ANKS1A: variants seen among roughly 807,000 people sequenced by gnomAD.
ANKS1A encodes ankyrin repeat and SAM domain-containing protein 1A.
Under a neutral mutation model 120.3 loss-of-function variants are expected in ANKS1A, and 55 were observed. The observed-to-expected ratio is 0.46, with a 90% CI of 0.37 to 0.57. The LOEUF is 0.57. Among genes scored for constraint, ANKS1A ranks in the 20% least tolerant of loss-of-function variants. The pLI, the probability that ANKS1A is intolerant of heterozygous loss-of-function variation, is 0.00. For missense variants in ANKS1A, 1,123 were observed against 1,480.3 expected, an observed-to-expected ratio of 0.76 and a Z score of 3.96; for synonymous variants, 590 against 604.7, an observed-to-expected ratio of 0.98 and a Z score of 0.36.
At chr6:35,088,565 TG>T (rs763310106) in intron 23 of ANKS1A, 40 bp from the exon 24 acceptor site, 2 of 1,613,222 alleles carry the variant, frequency 1.2e-6, no homozygotes, top group South Asian at 2.2e-5. Flanking sequence ...CAGGCCCCAT[TG>T]GTTAACCCTT....
At chr6:35,025,287 A>ATGTG (rs369342625) in intron 11 of ANKS1A, among the ~76,000 whole-genome samples, 22 of 148,712 alleles carry the variant, frequency 1.5e-4, no homozygotes, top group Admixed American at 4.0e-4. Flanking sequence ...TATGTATGCG[A>ATGTG]TGTGTGTGTG....
intron 10 of ANKS1A, among the ~76,000 whole-genome samples, chr6:35,000,585 A>T (rs894104778): frequency 6.6e-6 from 1 of 152,154 alleles, no homozygotes; most frequent in African/African-American, 2.4e-5. Flanking sequence ...TTTAAAGAAA[A>T]AAATGTTTGT....
At chr6:35,094,975 A>C (rs1368675971), downstream of ANKS1A, among the ~76,000 whole-genome samples, 1 of 151,730 alleles carries the variant, frequency 6.6e-6, no homozygotes, top group Admixed American at 6.6e-5. Flanking sequence ...CCCTGTCTCT[A>C]CAGAAAAACT....
intron 13 of ANKS1A, among the ~76,000 whole-genome samples, chr6:35,076,219 C>T (rs909898644): frequency 2.0e-5 from 3 of 152,116 alleles, no homozygotes; most frequent in Non-Finnish European, 2.9e-5. Context: ...GTCAGGAGAT[C>T]GAGACCATCC....
chr6:35,071,350 G>T (rs1199714686), intron 13 of ANKS1A, among the ~76,000 whole-genome samples: 2 of 152,138 alleles, frequency 1.3e-5, no homozygotes, highest in African/African-American at 4.8e-5. Context: ...TATATTTGGG[G>T]GTAAAATACT....
At chr6:35,093,580 A>T (rs1219496555), downstream of ANKS1A, among the ~76,000 whole-genome samples, 1 of 152,234 alleles carries the variant, frequency 6.6e-6, no homozygotes, top group Non-Finnish European at 1.5e-5. Flanking sequence ...TAACATGTGC[A>T]CCACATGTAA....
chr6:34,941,971 A>C (rs1050290160), intron 1 of ANKS1A, among the ~76,000 whole-genome samples: 1 of 152,220 alleles, frequency 6.6e-6, no homozygotes, highest in Non-Finnish European at 1.5e-5. Context: ...AGGTGATGCT[A>C]TTAATTAGAG....
At chr6:35,039,107 G>T (rs999068589) in intron 11 of ANKS1A, among the ~76,000 whole-genome samples, 2 of 148,716 alleles carry the variant, frequency 1.3e-5, no homozygotes, top group African/African-American at 2.5e-5. Context: ...GGGGTTATAT[G>T]CATTTTTATC....
At chr6:34,913,154 C>A (rs1767985104) in intron 1 of ANKS1A, among the ~76,000 whole-genome samples, 1 of 152,156 alleles carries the variant, frequency 6.6e-6, no homozygotes, top group South Asian at 2.1e-4. Flanking sequence ...TCAGGTAGCC[C>A]TAACAACCCT....
chr6:35,016,809 C>T (rs1774031655), intron 10 of ANKS1A, among the ~76,000 whole-genome samples: 1 of 150,818 alleles, frequency 6.6e-6, no homozygotes, highest in African/African-American at 2.4e-5. Context: ...AGTCTGTGCT[C>T]CCTGAGGAAG....
the ANKS1A span, among the ~76,000 whole-genome samples, chr6:35,097,744 T>G: frequency 0.18 from 27,315 of 151,858 alleles, 3,065 homozygotes; most frequent in African/African-American, 0.29. Flanking sequence ...AAAGATAAAT[T>G]TGCTGCTAAT....
intron 10 of ANKS1A, among the ~76,000 whole-genome samples, chr6:34,995,922 G>A (rs1012161577): frequency 2.0e-5 from 3 of 152,156 alleles, no homozygotes; most frequent in African/African-American, 7.2e-5. Flanking sequence ...ATGTACCTAT[G>A]AATGGGATTG....
intron 11 of ANKS1A, among the ~76,000 whole-genome samples, chr6:35,032,298 A>T (rs573222158): frequency 1.3e-5 from 2 of 152,316 alleles, no homozygotes; most frequent in South Asian, 4.1e-4. Flanking sequence ...GTTGGGGCTC[A>T]GGAGAGGATG....
intron 13 of ANKS1A, among the ~76,000 whole-genome samples, chr6:35,067,486 C>T (rs758082053): frequency 3.3e-5 from 5 of 152,170 alleles, no homozygotes; most frequent in African/African-American, 7.2e-5. Flanking sequence ...TAGCAAAGGC[C>T]GGAGAAGCCC....
chr6:34,896,321 C>T (rs1479046751), intron 1 of ANKS1A, among the ~76,000 whole-genome samples: 2 of 152,064 alleles, frequency 1.3e-5, no homozygotes, highest in Admixed American at 6.6e-5. Flanking sequence ...CTGCCTGCCT[C>T]GGCCTCCCAA....
chr6:34,941,403 C>T (rs970875825), intron 1 of ANKS1A, among the ~76,000 whole-genome samples: 3 of 151,532 alleles, frequency 2.0e-5, no homozygotes, highest in African/African-American at 7.3e-5. Context: ...TTTTCCTCTG[C>T]TGTGTCTCTA....
chr6:34,962,076 G>T (rs1770666598), intron 1 of ANKS1A, among the ~76,000 whole-genome samples: 1 of 152,224 alleles, frequency 6.6e-6, no homozygotes, highest in Non-Finnish European at 1.5e-5. Context: ...GTACCTCACA[G>T]ATTTTCCAGA....
intron 1 of ANKS1A, among the ~76,000 whole-genome samples, chr6:34,929,286 T>G (rs1247793419): frequency 6.6e-6 from 1 of 152,166 alleles, no homozygotes; most frequent in African/African-American, 2.4e-5. Flanking sequence ...TTTATGTACT[T>G]TTGACTCTTA....
At chr6:35,078,784 C>A in intron 14 of ANKS1A, 128 bp downstream of exon 14, 1 of 827,670 alleles carries the variant, frequency 1.2e-6, no homozygotes, top group Non-Finnish European at 1.9e-6. Flanking sequence ...ACCTCTACCC[C>A]TCACCCTAGG....
Sources: allele counts gnomAD v4.1 joint callset (sites outside exome capture counted in the v4.1 genomes callset), GRCh38; gene constraint gnomAD v4.1.1; transcripts MANE v1.5; gene names NCBI Gene and HGNC (gene_info 2026-07-23, HGNC 2026-07-21).